The following LMBR1 variants were observed in gnomAD, a reference collection of about 807,000 sequenced individuals.
The protein encoded by LMBR1 is limb development membrane protein 1, also known as limb region 1 protein homolog.
LMBR1 carries 52 observed loss-of-function variants against 73.9 expected under a neutral mutation model. The ratio of observed to expected loss-of-function variants is 0.70; its 90% confidence interval spans 0.56 to 0.89. The LOEUF (loss-of-function observed/expected upper bound fraction) is 0.89, where lower values mean the gene tolerates loss of function less well. Ranked by LOEUF, LMBR1 falls within the 40% of genes least tolerant of loss-of-function variation. The probability of loss-of-function intolerance (pLI) is 0.00; values close to 1 mark genes in which losing one functional copy is unlikely to be tolerated. For synonymous variants in LMBR1, 215 were observed against 209.4 expected, an observed-to-expected ratio of 1.03 and a Z score of -0.23; for missense variants, 539 against 579.8, an observed-to-expected ratio of 0.93 and a Z score of 0.72.
intron 4 of LMBR1, among the ~76,000 whole-genome samples, chr7:156,818,865 TAAC>T (rs1834332652): frequency 6.6e-6 from 1 of 152,214 alleles, no homozygotes; most frequent in Non-Finnish European, 1.5e-5. Flanking sequence ...TTTCCTATTT[TAAC>T]AACAAAAAGA....
downstream of LMBR1, among the ~76,000 whole-genome samples, chr7:156,674,636 AGC>A (rs1803389686): frequency 1.3e-5 from 2 of 152,180 alleles, no homozygotes; most frequent in Non-Finnish European, 2.9e-5. Flanking sequence ...GATGGCCCCA[AGC>A]ACTCCAGTTT....
At chr7:156,800,954 C>T (rs998514311) in intron 4 of LMBR1, among the ~76,000 whole-genome samples, 6 of 152,126 alleles carry the variant, frequency 3.9e-5, no homozygotes, top group African/African-American at 1.2e-4. Flanking sequence ...TTGAAATGAA[C>T]GAGGAGCTGC....
rs988726212 is a variant in LMBR1 at position 156,682,408 on chromosome 7, T to C, written c.*1670A>G. ...AAAAATCAAACCTGGCAATTAATAC[T>C]TCAATAGGCATAACAATGAAATTGG... On this transcript the variant is annotated 3_prime_UTR_variant, in exon 17 of 17. Transcript: ENST00000353442. The C allele has an allele frequency of 1.5e-4, 23 of 152,336 alleles. No homozygotes were observed. The highest frequency in any genetic ancestry group is 5.3e-4 in the African/African-American group (22 of 41,580). The allele number at this position is 152,336 out of a possible 1,614,324, so 9.4% of individuals were successfully genotyped here. A position where few individuals can be genotyped will look rare whatever the true frequency, so the allele number is the denominator to read the frequency against.
chr7:156,801,690 C>T (rs113635857), intron 4 of LMBR1, among the ~76,000 whole-genome samples: 20,370 of 152,070 alleles, frequency 0.13, 1,460 homozygotes, highest in Non-Finnish European at 0.16. Flanking sequence ...TGCCACCGTG[C>T]CAGGCTGATT....
intron 4 of LMBR1, among the ~76,000 whole-genome samples, chr7:156,817,577 G>A (rs538412956): frequency 3.1e-4 from 47 of 152,074 alleles, no homozygotes; most frequent in African/African-American, 9.2e-4. Flanking sequence ...AATAGCCTCT[G>A]CTTATTTACT....
intron 3 of LMBR1, among the ~76,000 whole-genome samples, chr7:156,827,641 A>G (rs1353123218): frequency 6.6e-6 from 1 of 152,184 alleles, no homozygotes; most frequent in Non-Finnish European, 1.5e-5. Flanking sequence ...TATTAGAGAT[A>G]GAATGGATAT....
downstream of LMBR1, among the ~76,000 whole-genome samples, chr7:156,677,439 G>A (rs1028788917): frequency 9.2e-5 from 14 of 152,286 alleles, no homozygotes; most frequent in South Asian, 1.0e-3. Flanking sequence ...TTGTGACACA[G>A]TCTCCTTTGC....
chr7:156,702,183 C>A (rs963555895), intron 15 of LMBR1, among the ~76,000 whole-genome samples: 2 of 152,116 alleles, frequency 1.3e-5, no homozygotes, highest in Non-Finnish European at 2.9e-5. Flanking sequence ...GGTTCTAGGT[C>A]TTTGGGGAAT....
intron 1 of LMBR1, among the ~76,000 whole-genome samples, chr7:156,873,063 G>A (rs1399156766): frequency 6.6e-6 from 1 of 152,106 alleles, no homozygotes; most frequent in African/African-American, 2.4e-5. Context: ...TCGCCAAAAT[G>A]TGTCCGGAAT....
intron 4 of LMBR1, among the ~76,000 whole-genome samples, chr7:156,824,121 AACAAC>A (rs1448493540): frequency 6.6e-6 from 1 of 150,708 alleles, no homozygotes; most frequent in Non-Finnish European, 1.5e-5. Context: ...CAACAACAAC[AACAAC>A]AATATATATA....
intron 1 of LMBR1, among the ~76,000 whole-genome samples, chr7:156,889,029 G>A (rs546752647): frequency 6.6e-6 from 1 of 151,944 alleles, no homozygotes. Context: ...ACTCTAGCCT[G>A]GGCAACAGAG....
At chr7:156,869,842 G>C (rs926055708) in intron 1 of LMBR1, among the ~76,000 whole-genome samples, 1 of 152,114 alleles carries the variant, frequency 6.6e-6, no homozygotes, top group African/African-American at 2.4e-5. Flanking sequence ...AAAGAGCAGA[G>C]ATAGCTATAC....
At chr7:156,727,857 T>C in intron 12 of LMBR1, 73 bp downstream of exon 12, 1 of 983,540 alleles carries the variant, frequency 1.0e-6, no homozygotes. Flanking sequence ...TTCATTTGCT[T>C]ACTTGAAATA....
At chr7:156,693,120 G>C (rs765463200) in intron 15 of LMBR1, among the ~76,000 whole-genome samples, 5 of 152,098 alleles carry the variant, frequency 3.3e-5, no homozygotes, top group Admixed American at 6.6e-5. Context: ...GAATTAATTT[G>C]AAATGTCTTA....
chr7:156,736,610 T>C (rs776111350), intron 9 of LMBR1: 1 of 457,074 alleles, frequency 2.2e-6, no homozygotes, highest in South Asian at 1.5e-5. Flanking sequence ...GCACAAAGCA[T>C]TCCCACTGTG....
At chr7:156,819,071 A>T (rs1385929869) in intron 4 of LMBR1, among the ~76,000 whole-genome samples, 2 of 152,190 alleles carry the variant, frequency 1.3e-5, no homozygotes, top group African/African-American at 4.8e-5. Context: ...CCAATGCTCC[A>T]ATGTCATTTT....
rs1335150980 is a variant in LMBR1 at position 156,681,437 on chromosome 7, AC to A, written c.*2640del. On this transcript the variant is annotated 3_prime_UTR_variant, in exon 17 of 17. Coordinates refer to ENST00000353442, the MANE Select transcript of LMBR1 (RefSeq NM_022458.4). ...AGAGGTCTATTTTTACAGAGAATGT[AC>A]ATAAAGCTACGTAAATAGTAAATCT... The A allele has an allele frequency of 6.2e-6, 1 of 160,882 alleles. No individual in the cohort carries two copies. The highest frequency in any genetic ancestry group is 2.4e-5 in the African/African-American group (1 of 41,582). The allele number at this position is 160,882 out of a possible 1,614,324, so 10.0% of individuals were successfully genotyped here.
chr7:156,748,567 C>T (rs561744206), intron 9 of LMBR1, among the ~76,000 whole-genome samples: 7 of 152,042 alleles, frequency 4.6e-5, no homozygotes, highest in Non-Finnish European at 1.0e-4. Context: ...CGGCTCATTG[C>T]GACCTCTGCT....
At chr7:156,820,373 T>A (rs1162655692) in intron 4 of LMBR1, among the ~76,000 whole-genome samples, 1 of 152,220 alleles carries the variant, frequency 6.6e-6, no homozygotes, top group Non-Finnish European at 1.5e-5. Flanking sequence ...CCCTGTATTA[T>A]AATTTAGTTC....
Sources: gnomAD v4.1 joint callset for allele counts (sites outside exome capture counted in the v4.1 genomes callset) on GRCh38, gnomAD v4.1.1 for gene constraint, MANE v1.5 for transcripts, NCBI Gene and HGNC (gene_info 2026-07-23, HGNC 2026-07-21) for gene names.